Variants in ADAMTSL3 observed in about 807,000 individuals in gnomAD.
ADAMTSL3 encodes ADAMTS-like protein 3.
Under a neutral mutation model 201.7 loss-of-function variants are expected in ADAMTSL3, and 128 were observed. That is an observed-to-expected ratio of 0.63 (90% CI 0.55 to 0.73). ADAMTSL3 has a LOEUF of 0.73. Ranked by LOEUF, ADAMTSL3 falls within the 30% of genes least tolerant of loss-of-function variation. The probability of loss-of-function intolerance (pLI) is 0.00; values close to 1 mark genes in which losing one functional copy is unlikely to be tolerated. For missense variants in ADAMTSL3, 1,990 were observed against 2,119.6 expected (o/e 0.94, Z 1.20); for synonymous variants, 738 against 748.4 (o/e 0.99, Z 0.23).
chr15:83,969,124 C>T (rs2067145178), intron 19 of ADAMTSL3, among the ~76,000 whole-genome samples: 1 of 152,124 alleles, frequency 6.6e-6, no homozygotes, highest in Non-Finnish European at 1.5e-5. Flanking sequence ...GCACATTCTA[C>T]ACATGTATCC....
At chr15:83,842,902 G>A (rs930735426) in intron 7 of ADAMTSL3, among the ~76,000 whole-genome samples, 6 of 152,160 alleles carry the variant, frequency 3.9e-5, no homozygotes, top group East Asian at 3.8e-4. Context: ...AAAATACCTC[G>A]TTTTGTCAGG....
At chr15:83,977,137 C>G (rs1216690380) in intron 20 of ADAMTSL3, among the ~76,000 whole-genome samples, 1 of 152,148 alleles carries the variant, frequency 6.6e-6, no homozygotes, top group Non-Finnish European at 1.5e-5. Flanking sequence ...CTCATGGGAA[C>G]ACAAACCCTA....
At chr15:83,757,250 T>G (rs2062736458) in intron 3 of ADAMTSL3, among the ~76,000 whole-genome samples, 1 of 152,230 alleles carries the variant, frequency 6.6e-6, no homozygotes, top group African/African-American at 2.4e-5. Flanking sequence ...GCTGCAAACT[T>G]TTGCATGGAC....
chr15:83,703,141 G>T (rs2061799342), intron 2 of ADAMTSL3, among the ~76,000 whole-genome samples: 2 of 152,032 alleles, frequency 1.3e-5, no homozygotes. Context: ...TAACTCCTTT[G>T]TTTTGGCCAA....
rs556662666 is a variant in ADAMTSL3, at chr15:84,021,672, A to G, written c.4457+79A>G. 1.6e-5 allele frequency: 24 copies of G among 1,479,790 alleles called. No homozygotes were observed. In the East Asian group the frequency reaches 4.0e-4, roughly 24 times the overall value. The allele number at this position is 1,479,790 out of a possible 1,614,324, so 91.7% of individuals were successfully genotyped here. ...AAAGGTGCAGTGATTTGGACATAAT[A>G]ATTCAATAGCTAAGTTTTTTTTATC... On this transcript the variant is annotated intron_variant, in intron 26 of 29. Transcript: ENST00000286744.
chr15:83,912,260 A>G (rs923887409), intron 15 of ADAMTSL3, among the ~76,000 whole-genome samples: 1 of 152,240 alleles, frequency 6.6e-6, no homozygotes, highest in African/African-American at 2.4e-5. Context: ...CACAAAAGCC[A>G]TAGACAATAG....
At chr15:83,772,042 TG>T (rs910873271) in intron 3 of ADAMTSL3, among the ~76,000 whole-genome samples, 2 of 151,996 alleles carry the variant, frequency 1.3e-5, no homozygotes, top group Admixed American at 6.6e-5. Context: ...TTAGTAGAGA[TG>T]GGGTTTTGCC....
intron 2 of ADAMTSL3, among the ~76,000 whole-genome samples, chr15:83,691,225 A>C (rs1271045146): frequency 1.3e-5 from 2 of 152,156 alleles, no homozygotes; most frequent in Non-Finnish European, 2.9e-5. Flanking sequence ...AATTCACATC[A>C]ATGGTATTAC....
At chr15:83,740,027 C>G (rs2062429447) in intron 3 of ADAMTSL3, 1 of 374,884 alleles carries the variant, frequency 2.7e-6, no homozygotes, top group Non-Finnish European at 5.7e-6. Flanking sequence ...CACACTGACA[C>G]CTATTGTCAG....
At position 83,952,716 on chromosome 15, in the gene ADAMTSL3, G is replaced by T. The variant is rs2066779887; in HGVS notation, c.2490+9634G>T. Among the ~76,000 whole-genome samples, 2 of 150,826 alleles carry T rather than the reference G, an allele frequency of 1.3e-5. 1 individual carries two copies. The highest frequency in any genetic ancestry group is 2.9e-5 in the Non-Finnish European group (2 of 67,928). On this transcript the variant is annotated intron_variant, in intron 19 of 29. Transcript: ENST00000286744. ...AGCTACTTGGGAGGTTGAGGCGAGA[G>T]AATCACTTGAACCTGGAAGGTGGTG...
At chr15:83,865,455 G>A (rs1281024901) in intron 8 of ADAMTSL3, among the ~76,000 whole-genome samples, 2 of 152,058 alleles carry the variant, frequency 1.3e-5, no homozygotes, top group Non-Finnish European at 2.9e-5. Context: ...CAGAAATAAT[G>A]CCGCATATCT....
chr15:83,967,484 C>T (rs1018459698), intron 19 of ADAMTSL3, among the ~76,000 whole-genome samples: 4 of 152,078 alleles, frequency 2.6e-5, no homozygotes, highest in Non-Finnish European at 4.4e-5. Flanking sequence ...ATGTGAAGGA[C>T]CTCTTCAAGG....
At chr15:83,729,537 G>A (rs1393676875) in intron 3 of ADAMTSL3, among the ~76,000 whole-genome samples, 2 of 151,168 alleles carry the variant, frequency 1.3e-5, no homozygotes, top group South Asian at 4.2e-4. Context: ...TGCTGTTAAG[G>A]GATTCTGATG....
chr15:83,820,033 A>G lies in ADAMTSL3; in HGVS notation c.586A>G (p.Ser196Gly). The stretch of plus-strand genomic sequence containing the variant: ...CACGGACTCCTTGGACATGTGTATC[A>G]GTGGCATCTGTCAGGTAAGCACACT... ...CNTDSLDMCI[S>G]GICQAVGCDR... is the part of the protein sequence containing the mutation. The change falls in exon 6 of 30, where the codon AGT becomes GGT. Residue 196 changes from serine to glycine, a missense_variant. Ser to Gly is a moderately conservative substitution (Grantham distance 56). Coordinates refer to ENST00000286744, the MANE Select transcript of ADAMTSL3 (RefSeq NM_207517.3). 3 of 1,614,082 alleles carry G rather than the reference A, an allele frequency of 1.9e-6. No homozygotes were observed. Among genetic ancestry groups the G allele is most frequent in the Non-Finnish European group, 1.7e-6 (2 of 1,179,950 alleles).
chr15:83,685,895 G>C (rs1005548873), intron 2 of ADAMTSL3, among the ~76,000 whole-genome samples: 3 of 152,180 alleles, frequency 2.0e-5, no homozygotes, highest in Non-Finnish European at 2.9e-5. Flanking sequence ...ACAGCAAAAT[G>C]AAAGTGAGGC....
intron 25 of ADAMTSL3, among the ~76,000 whole-genome samples, chr15:84,017,360 G>A (rs184972940): frequency 2.0e-4 from 30 of 152,160 alleles, no homozygotes; most frequent in South Asian, 1.5e-3. Context: ...CTCGTGATCC[G>A]CCCACCTTGG....
chr15:84,037,228 A>G (rs1011480751), intron 29 of ADAMTSL3, among the ~76,000 whole-genome samples: 6 of 152,198 alleles, frequency 3.9e-5, no homozygotes, highest in Admixed American at 2.0e-4. Context: ...ATCATTGGTT[A>G]CTGCCTTTCC....
In ADAMTSL3 at chr15:83,706,859, A is replaced by G. The variant is rs139578998; in HGVS notation, c.189+2351A>G. Among the ~76,000 whole-genome samples the G allele has an allele frequency of 7.2e-3, 1,082 of 149,642 alleles. 4 individuals carry two copies. The highest frequency in any genetic ancestry group is 0.012 in the Non-Finnish European group (780 of 67,684). ...TTTTTGTCTGTATTTTGTAGAAATG[A>G]GGTTTTGCTATGTTGACCAGGTTGG... On this transcript the variant is annotated intron_variant, in intron 3 of 29. Transcript: ENST00000286744.
chr15:83,755,031 T>G, intron 3 of ADAMTSL3, among the ~76,000 whole-genome samples: 1 of 152,342 alleles, frequency 6.6e-6, no homozygotes, highest in East Asian at 1.9e-4. Flanking sequence ...ATTTTCCTGT[T>G]ATTTATTCAA....
Sources: allele counts gnomAD v4.1 joint callset (sites outside exome capture counted in the v4.1 genomes callset), GRCh38; gene constraint gnomAD v4.1.1; transcripts MANE v1.5; gene names NCBI Gene and HGNC (gene_info 2026-07-23, HGNC 2026-07-21).